Variants in SDK1 observed in about 807,000 individuals in gnomAD.
The protein encoded by SDK1 is protein sidekick-1.
SDK1 carries 157 observed loss-of-function variants against 245.5 expected under a neutral mutation model. The observed-to-expected ratio is 0.64, with a 90% CI of 0.56 to 0.73. The LOEUF is 0.73. Ranked by LOEUF, SDK1 falls within the 30% of genes least tolerant of loss-of-function variation. The pLI, the probability that SDK1 is intolerant of heterozygous loss-of-function variation, is 0.00. For missense variants in SDK1, 3,583 were observed against 3,002.3 expected, an observed-to-expected ratio of 1.19 and a Z score of -4.52; for synonymous variants, 1,647 against 1,278.5, an observed-to-expected ratio of 1.29 and a Z score of -6.15.
At chr7:3,921,386 G>A (rs1187326602) in intron 5 of SDK1, among the ~76,000 whole-genome samples, 1 of 152,050 alleles carries the variant, frequency 6.6e-6, no homozygotes, top group Non-Finnish European at 1.5e-5. Flanking sequence ...ATTTAGATTG[G>A]TTCCTGGCTT....
chr7:3,403,351 C>A (rs1778941809), intron 1 of SDK1, among the ~76,000 whole-genome samples: 1 of 152,066 alleles, frequency 6.6e-6, no homozygotes, highest in Admixed American at 6.6e-5. Context: ...TGAATGGTTG[C>A]TTCTTTCAAA....
chr7:4,004,614 C>T (rs968187942), intron 14 of SDK1, among the ~76,000 whole-genome samples: 1 of 152,138 alleles, frequency 6.6e-6, no homozygotes, highest in Non-Finnish European at 1.5e-5. Flanking sequence ...AAAAATATAG[C>T]TCCAACAACC....
chr7:4,025,326 T>A (rs1163004827), intron 17 of SDK1, among the ~76,000 whole-genome samples: 1 of 152,222 alleles, frequency 6.6e-6, no homozygotes, highest in Non-Finnish European at 1.5e-5. Flanking sequence ...GAAGCCTGTC[T>A]TATCCTTTCA....
At chr7:4,190,155 C>G (rs934082171) in intron 35 of SDK1, among the ~76,000 whole-genome samples, 1 of 152,172 alleles carries the variant, frequency 6.6e-6, no homozygotes, top group Non-Finnish European at 1.5e-5. Context: ...TAATTAACGT[C>G]GCAACCCCGA....
intron 5 of SDK1, among the ~76,000 whole-genome samples, chr7:3,824,739 G>A (rs756200936): frequency 6.6e-5 from 10 of 152,160 alleles, no homozygotes; most frequent in Non-Finnish European, 1.3e-4. Flanking sequence ...TACACCTGAA[G>A]CTTATGGGAA....
intron 5 of SDK1, among the ~76,000 whole-genome samples, chr7:3,875,547 G>C (rs1337116260): frequency 6.6e-6 from 1 of 152,212 alleles, no homozygotes; most frequent in African/African-American, 2.4e-5. Flanking sequence ...AGTGGGAAAG[G>C]GGCTGTGGTA....
chr7:4,190,726 G>A (rs773289534), intron 35 of SDK1, among the ~76,000 whole-genome samples: 1 of 152,240 alleles, frequency 6.6e-6, no homozygotes, highest in Non-Finnish European at 1.5e-5. Context: ...CAGAATTCAC[G>A]GCTTCCTTCA....
intron 1 of SDK1, among the ~76,000 whole-genome samples, chr7:3,417,396 C>CT (rs1403694243): frequency 1.3e-5 from 2 of 152,164 alleles, no homozygotes; most frequent in African/African-American, 4.8e-5. Context: ...GTTTGCCAAA[C>CT]TTTTTTTCAG....
At chr7:4,196,164 C>A (rs1783564892) in intron 35 of SDK1, among the ~76,000 whole-genome samples, 1 of 152,172 alleles carries the variant, frequency 6.6e-6, no homozygotes, top group Non-Finnish European at 1.5e-5. Context: ...TGTGACTTAA[C>A]CCCTCAAGGC....
intron 4 of SDK1, among the ~76,000 whole-genome samples, chr7:3,779,267 C>T (rs142238589): frequency 3.9e-4 from 59 of 152,232 alleles, no homozygotes; most frequent in Non-Finnish European, 7.8e-4. Context: ...AAAGCAATTA[C>T]GTTAGGGCTA....
Position 3,975,539 on chromosome 7 carries a change from A to T in SDK1, c.1994+994A>T, listed in dbSNP as rs1326714239. Among the ~76,000 whole-genome samples the T allele has an allele frequency of 3.3e-5, 5 of 152,050 alleles. No individual in the cohort carries two copies. In the East Asian group the frequency reaches 9.6e-4, roughly 29 times the overall value. On this transcript the variant is annotated intron_variant, in intron 13 of 44. Transcript: ENST00000404826. ...GACTCATTGATCCCTGAATCCCAAG[A>T]CTCCAGCTGAGGGGATTAAAAATGA... is the stretch of plus-strand genomic sequence containing the variant.
intron 28 of SDK1, among the ~76,000 whole-genome samples, chr7:4,133,753 G>C (rs1305951986): frequency 1.3e-5 from 2 of 152,198 alleles, no homozygotes; most frequent in Non-Finnish European, 2.9e-5. Flanking sequence ...AAACTGGCCT[G>C]TTAGAGGCAA....
At chr7:3,622,068 C>G (rs1014634534) in intron 2 of SDK1, among the ~76,000 whole-genome samples, 2 of 152,144 alleles carry the variant, frequency 1.3e-5, no homozygotes, top group Non-Finnish European at 2.9e-5. Context: ...TAGGCTAAAC[C>G]GTGGTGTCTA....
chr7:3,578,898 T>C (rs1780393384), intron 1 of SDK1, among the ~76,000 whole-genome samples: 2 of 151,896 alleles, frequency 1.3e-5, no homozygotes, highest in African/African-American at 2.4e-5. Context: ...CCAATCAAAG[T>C]GGACCTGAGG....
intron 14 of SDK1, among the ~76,000 whole-genome samples, chr7:3,988,906 G>A (rs1400970803): frequency 6.6e-6 from 1 of 152,100 alleles, no homozygotes; most frequent in Admixed American, 6.6e-5. Flanking sequence ...CGAGTAGCTG[G>A]GACTACAGGC....
chr7:4,012,006 C>A, intron 15 of SDK1, 89 bp from the exon 16 acceptor site: 3 of 1,170,626 alleles, frequency 2.6e-6, no homozygotes, highest in Non-Finnish European at 3.4e-6. Context: ...TAGTCAGGCT[C>A]AAGATTCAGC....
At chr7:3,484,357 G>A (rs148581315) in intron 1 of SDK1, among the ~76,000 whole-genome samples, 344 of 152,218 alleles carry the variant, frequency 2.3e-3, no homozygotes, top group African/African-American at 8.1e-3. Flanking sequence ...CATATATGGG[G>A]GCTGACTTGT....
At chr7:3,597,527 G>T (rs901967862) in intron 1 of SDK1, among the ~76,000 whole-genome samples, 1 of 152,112 alleles carries the variant, frequency 6.6e-6, no homozygotes, top group African/African-American at 2.4e-5. Flanking sequence ...TTGCTTTTTC[G>T]AAAGTGTTAG....
chr7:3,886,485 T>C (rs1158349483), intron 5 of SDK1, among the ~76,000 whole-genome samples: 1 of 152,242 alleles, frequency 6.6e-6, no homozygotes, highest in Non-Finnish European at 1.5e-5. Context: ...CACTTGGAAG[T>C]CTTTTGTGTT....
Sources: allele counts gnomAD v4.1 joint callset (sites outside exome capture counted in the v4.1 genomes callset), GRCh38; gene constraint gnomAD v4.1.1; transcripts MANE v1.5; gene names NCBI Gene and HGNC (gene_info 2026-07-23, HGNC 2026-07-21).